The following SORBS2 variants were observed in gnomAD, a reference collection of about 807,000 sequenced individuals.
SORBS2 encodes sorbin and SH3 domain-containing protein 2.
A neutral mutation model predicts 97.7 loss-of-function variants in SORBS2; 46 were observed. The ratio of observed to expected loss-of-function variants is 0.47; its 90% CI spans 0.37 to 0.60. The LOEUF (loss-of-function observed/expected upper bound fraction) is 0.60, where lower values mean the gene tolerates loss of function less well. SORBS2 is among the 20% of genes least tolerant of loss of function. SORBS2 has a pLI of 0.00. For missense variants in SORBS2, 1,316 were observed against 1,282.3 expected (o/e 1.03, Z -0.40); for synonymous variants, 476 against 473.4 (o/e 1.01, Z -0.07).
intron 2 of SORBS2, among the ~76,000 whole-genome samples, chr4:185,724,080 G>T (rs1235555125): frequency 6.6e-6 from 1 of 152,142 alleles, no homozygotes; most frequent in Non-Finnish European, 1.5e-5. Context: ...GTGCTTTCAA[G>T]GGTCTAATAA....
intron 4 of SORBS2, among the ~76,000 whole-genome samples, chr4:185,641,122 A>T (rs1581607794): frequency 2.2e-5 from 3 of 136,058 alleles, no homozygotes; most frequent in Admixed American, 2.1e-4. Flanking sequence ...GATTTATAGT[A>T]ATGCATCTCT....
Position 185,751,190 on chromosome 4 carries a change from A to AAAAAAAAAAAAAAAAAAG in SORBS2, c.-198+24036_-198+24037insCTTTTTTTTTTTTTTTTT. 4.1e-3 allele frequency among the ~76,000 whole-genome samples: 351 copies of AAAAAAAAAAAAAAAAAAG among 86,288 alleles called. 37 individuals carry two copies. Among genetic ancestry groups the AAAAAAAAAAAAAAAAAAG allele is most frequent in the African/African-American group, 0.012 (284 of 24,302 alleles). 56.6% of individuals were successfully genotyped at this position (86,288 alleles called of 152,430 possible). A position where few individuals can be genotyped will look rare whatever the true frequency, so the allele number is the denominator to read the frequency against. ...TAAATACTAAAAAAAAAAAAAAAAAAAGAGAAAGAGAGAGAAATTCAGGAA... is the reference window on the plus strand; with the variant it reads ...TAAATACTAAAAAAAAAAAAAAAAAAAAAAAAAAAAAAAAAAAGAGAGAAAGAGAGAGAAATTCAGGAA... On this transcript the variant is annotated intron_variant, in intron 2 of 20. Transcript: ENST00000284776.
intron 2 of SORBS2, among the ~76,000 whole-genome samples, chr4:185,740,975 A>G (rs2153584763): frequency 6.6e-6 from 1 of 152,124 alleles, no homozygotes; most frequent in South Asian, 2.1e-4. Flanking sequence ...ATCAGCACGA[A>G]CTCAAACCAG....
At chr4:185,729,186 T>C (rs1389324491) in intron 2 of SORBS2, among the ~76,000 whole-genome samples, 1 of 152,260 alleles carries the variant, frequency 6.6e-6, no homozygotes, top group Non-Finnish European at 1.5e-5. Context: ...TATTTCCTTA[T>C]GTGGTGAAGT....
intron 1 of SORBS2, among the ~76,000 whole-genome samples, chr4:185,833,155 T>G (rs1463410538): frequency 6.6e-6 from 1 of 152,208 alleles, no homozygotes; most frequent in Non-Finnish European, 1.5e-5. Context: ...GAAAATGAAG[T>G]CATGATTTTA....
intron 6 of SORBS2, among the ~76,000 whole-genome samples, chr4:185,626,186 A>G (rs541466074): frequency 3.9e-5 from 6 of 152,350 alleles, no homozygotes; most frequent in African/African-American, 1.4e-4. Context: ...CGGGCCATCC[A>G]GAAAAAAAGG....
chr4:185,862,506 C>T (rs1190550372), intron 1 of SORBS2, among the ~76,000 whole-genome samples: 1 of 152,212 alleles, frequency 6.6e-6, no homozygotes, highest in East Asian at 1.9e-4. Context: ...GGGAATTTCT[C>T]CTCCTAAACA....
At chr4:185,663,558 G>C (rs2097550945) in intron 4 of SORBS2, among the ~76,000 whole-genome samples, 1 of 152,194 alleles carries the variant, frequency 6.6e-6, no homozygotes, top group Non-Finnish European at 1.5e-5. Context: ...TCAAATAACT[G>C]TGAGGCACAG....
At chr4:185,825,372 T>G (rs2099199218) in intron 1 of SORBS2, among the ~76,000 whole-genome samples, 1 of 152,236 alleles carries the variant, frequency 6.6e-6, no homozygotes, top group Non-Finnish European at 1.5e-5. Context: ...AGGAATTATT[T>G]TTATTTGACA....
chr4:185,623,750 T>A lies in SORBS2; in HGVS notation c.1379A>T (p.Glu460Val). 6.2e-7 allele frequency: 1 copy of A among 1,614,042 alleles called. No homozygotes were observed. Among genetic ancestry groups the A allele is most frequent in the Non-Finnish European group, 8.5e-7 (1 of 1,179,988 alleles). ...GGGGGGGCCGCTTTGATTTTCTTCC[T>A]CCAGCAAATACTCAATGGAAAACCG... is the stretch of plus-strand genomic sequence containing the variant. The change falls in exon 7 of 15, where the codon GAG (glutamate) becomes GTG (valine). Residue 460 changes from glutamate (E) to valine (V), a missense_variant. Coordinates refer to ENST00000418609, the Ensembl canonical transcript of SORBS2. The surrounding 1 kb of genome is among the most constrained non-coding windows in gnomAD (Gnocchi z 6.4).
chr4:185,800,247 A>G (rs1432692798), intron 1 of SORBS2, among the ~76,000 whole-genome samples: 1 of 152,174 alleles, frequency 6.6e-6, no homozygotes, highest in East Asian at 1.9e-4. Context: ...CAATCACCCT[A>G]TAACATATTC....
At chr4:185,624,442 G>A (rs2096775548) in exon 7 of SORBS2, 3 of 1,613,834 alleles carry the variant, frequency 1.9e-6, no homozygotes, top group South Asian at 1.1e-5. Context: ...AGGGGTTGCC[G>A]TTGAGCCCTG....
At chr4:185,596,835 C>T (rs535168015) in intron 12 of SORBS2, among the ~76,000 whole-genome samples, 42 of 152,130 alleles carry the variant, frequency 2.8e-4, no homozygotes, top group South Asian at 8.3e-4. Flanking sequence ...GCCCGGCCCC[C>T]GTCCTTGCTT....
chr4:185,867,039 T>G (rs1430145331), intron 1 of SORBS2, among the ~76,000 whole-genome samples: 1 of 152,028 alleles, frequency 6.6e-6, no homozygotes, highest in African/African-American at 2.4e-5. Context: ...TGAGATGGAG[T>G]CTCACTCTTT....
chr4:185,743,110 G>A (rs145846127), intron 2 of SORBS2, among the ~76,000 whole-genome samples: 1 of 152,336 alleles, frequency 6.6e-6, no homozygotes, highest in Non-Finnish European at 1.5e-5. Context: ...AGGGGGTAAG[G>A]TTGAGGTTCC....
chr4:185,664,439 CT>C (rs1211206667), intron 4 of SORBS2, among the ~76,000 whole-genome samples: 13 of 152,278 alleles, frequency 8.5e-5, no homozygotes. Flanking sequence ...TCACTGCCTT[CT>C]TTTTTTGGTT....
rs112327583 is a variant in SORBS2 at position 185,612,491 on chromosome 4, AT to A, written c.2596-512del. Among the ~76,000 whole-genome samples, 487 of 114,880 alleles carry A rather than the reference AT, an allele frequency of 4.2e-3. 2 individuals are homozygous for A. Among genetic ancestry groups the A allele is most frequent in the African/African-American group, 8.3e-3 (257 of 30,948 alleles). The allele number at this position is 114,880 out of a possible 152,430, so 75.4% of individuals were successfully genotyped here. The stretch of plus-strand genomic sequence containing the variant: ...TACACCGTTTTCTTTTTTTATTTCT[AT>A]TTTTTTTTTTTTTTTGAGAGGGAAT... On this transcript the variant is annotated intron_variant, in intron 11 of 14. Coordinates refer to ENST00000418609, the Ensembl canonical transcript of SORBS2.
At position 185,932,628 on chromosome 4, in the gene SORBS2, G is replaced by A. The variant is rs138076548; in HGVS notation, c.-338+23568C>T. Among the ~76,000 whole-genome samples the A allele has an allele frequency of 2.2e-3, 329 of 152,240 alleles. 1 individual carries two copies. Among genetic ancestry groups the A allele is most frequent in the African/African-American group, 7.5e-3 (310 of 41,562 alleles). Reference sequence around the variant, plus strand: ...AATATGAAGAGAACAGAGAGTTGCCGGAATGCAATGTCACTGCATTGCAGG... The same window carrying A: ...AATATGAAGAGAACAGAGAGTTGCCAGAATGCAATGTCACTGCATTGCAGG... On this transcript the variant is annotated intron_variant, in intron 1 of 20. Coordinates refer to the SORBS2 transcript ENST00000284776.
chr4:185,752,697 G>T (rs112512566), intron 2 of SORBS2, among the ~76,000 whole-genome samples: 14 of 152,304 alleles, frequency 9.2e-5, no homozygotes, highest in African/African-American at 3.1e-4. Flanking sequence ...GTCCTTTACA[G>T]AAATAATTCA....
Sources: allele counts gnomAD v4.1 joint callset (sites outside exome capture counted in the v4.1 genomes callset), GRCh38; gene constraint gnomAD v4.1.1; non-coding constraint Gnocchi (gnomAD v3.1); transcripts MANE v1.5; gene names NCBI Gene and HGNC (gene_info 2026-07-23, HGNC 2026-07-21).